Variants in SPOCK3 observed in about 807,000 individuals in gnomAD.
The protein encoded by SPOCK3 is SPARC (osteonectin), cwcv and kazal like domains proteoglycan 3, also known as testican-3.
In SPOCK3, 30 loss-of-function variants were observed where a neutral mutation model predicts 56.6. The ratio of observed to expected loss-of-function variants is 0.53; its 90% confidence interval spans 0.40 to 0.72. The LOEUF (loss-of-function observed/expected upper bound fraction) is 0.72, where lower values mean the gene tolerates loss of function less well. Among genes scored for constraint, SPOCK3 ranks in the 30% least tolerant of loss-of-function variants. SPOCK3 has a pLI of 0.00. For missense variants in SPOCK3, 527 were observed against 530.0 expected (o/e 0.99, Z 0.06); for synonymous variants, 196 against 183.3 (o/e 1.07, Z -0.56).
At chr4:167,121,305 T>C (rs1761846012) in intron 2 of SPOCK3, among the ~76,000 whole-genome samples, 1 of 151,958 alleles carries the variant, frequency 6.6e-6, no homozygotes, top group African/African-American at 2.4e-5. Flanking sequence ...GATCAGAGGA[T>C]GGATAACAAT....
At chr4:167,119,889 G>C in intron 2 of SPOCK3, 1 of 1,464,192 alleles carries the variant, frequency 6.8e-7, no homozygotes, top group South Asian at 1.4e-5. Flanking sequence ...TGCCCCAAAG[G>C]TTTCAACCAA....
chr4:166,927,466 CTG>C (rs1469567305), intron 4 of SPOCK3, among the ~76,000 whole-genome samples: 2 of 152,198 alleles, frequency 1.3e-5, no homozygotes, highest in Non-Finnish European at 2.9e-5. Flanking sequence ...CCACGTGGAA[CTG>C]TGAGTCCATT....
At chr4:166,949,529 C>A (rs1406596777) in intron 4 of SPOCK3, among the ~76,000 whole-genome samples, 2 of 152,120 alleles carry the variant, frequency 1.3e-5, no homozygotes, top group Non-Finnish European at 2.9e-5. Context: ...GTGTGGATGT[C>A]CTTTCTGTTC....
At chr4:167,116,445 TAC>T (rs1761337079) in intron 2 of SPOCK3, among the ~76,000 whole-genome samples, 1 of 144,856 alleles carries the variant, frequency 6.9e-6, no homozygotes, top group Non-Finnish European at 1.5e-5. Flanking sequence ...AATATATATA[TAC>T]ACAAAAGTAT....
intron 5 of SPOCK3, 39 bp downstream of exon 5, chr4:166,912,581 A>G: frequency 1.3e-6 from 2 of 1,583,080 alleles, no homozygotes. Context: ...ATAAGTATGC[A>G]TCCCTTATTT....
chr4:166,908,660 A>G (rs1202734089), intron 5 of SPOCK3, among the ~76,000 whole-genome samples: 1 of 152,048 alleles, frequency 6.6e-6, no homozygotes, highest in Non-Finnish European at 1.5e-5. Flanking sequence ...GTTTAAAATC[A>G]TCCACTGTTG....
chr4:167,168,353 T>C (rs903247142), intron 2 of SPOCK3, among the ~76,000 whole-genome samples: 1 of 152,112 alleles, frequency 6.6e-6, no homozygotes, highest in African/African-American at 2.4e-5. Flanking sequence ...TCCTAGAGAC[T>C]TGGAGGGCTC....
intron 2 of SPOCK3, among the ~76,000 whole-genome samples, chr4:167,199,225 TTG>T (rs58765976): frequency 0.038 from 5,386 of 141,716 alleles, 160 homozygotes; most frequent in African/African-American, 0.089. Flanking sequence ...AAATATTTGT[TTG>T]TGTGTGTGTG....
At chr4:167,091,774 C>T (rs971799221) in intron 2 of SPOCK3, among the ~76,000 whole-genome samples, 1 of 152,126 alleles carries the variant, frequency 6.6e-6, no homozygotes, top group Non-Finnish European at 1.5e-5. Flanking sequence ...AATCATTTCT[C>T]CCTCTACTCA....
intron 6 of SPOCK3, among the ~76,000 whole-genome samples, chr4:166,824,359 G>C (rs1363746415): frequency 5.9e-5 from 9 of 152,024 alleles, no homozygotes; most frequent in Non-Finnish European, 7.4e-5. Flanking sequence ...ATTGATTGCT[G>C]CCATCCCAAA....
chr4:166,928,266 G>T (rs1739342405), intron 4 of SPOCK3, among the ~76,000 whole-genome samples: 1 of 152,202 alleles, frequency 6.6e-6, no homozygotes, highest in South Asian at 2.1e-4. Context: ...CCACACAAAA[G>T]CTTGCAGACA....
At chr4:166,740,797 A>C (rs1404592173) in intron 9 of SPOCK3, among the ~76,000 whole-genome samples, 1 of 152,042 alleles carries the variant, frequency 6.6e-6, no homozygotes, top group African/African-American at 2.4e-5. Context: ...AAGTGTTGGG[A>C]TTACAGGCGT....
chr4:166,750,830 A>G (rs1016399979), intron 8 of SPOCK3, among the ~76,000 whole-genome samples: 2 of 152,202 alleles, frequency 1.3e-5, no homozygotes, highest in Non-Finnish European at 2.9e-5. Context: ...GAAAGAAGTC[A>G]TTTCTAAGAA....
intron 2 of SPOCK3, among the ~76,000 whole-genome samples, chr4:167,126,262 T>C (rs1762267862): frequency 6.6e-6 from 1 of 152,160 alleles, no homozygotes; most frequent in African/African-American, 2.4e-5. Context: ...ATAAGTTCAT[T>C]GTAGGCCGGG....
At chr4:167,136,273 TGTGA>T (rs1214405992) in intron 2 of SPOCK3, among the ~76,000 whole-genome samples, 1 of 152,098 alleles carries the variant, frequency 6.6e-6, no homozygotes, top group Non-Finnish European at 1.5e-5. Context: ...CTTAAGTGTG[TGTGA>T]GTGTGTGTGT....
At chr4:167,080,930 G>T (rs1029187707) in intron 2 of SPOCK3, among the ~76,000 whole-genome samples, 1 of 147,760 alleles carries the variant, frequency 6.8e-6, no homozygotes, top group African/African-American at 2.5e-5. Context: ...GCCCAGGCTG[G>T]AGTGCAATGG....
intron 5 of SPOCK3, among the ~76,000 whole-genome samples, chr4:166,908,031 A>G (rs1736815238): frequency 6.6e-6 from 1 of 151,990 alleles, no homozygotes; most frequent in Non-Finnish European, 1.5e-5. Flanking sequence ...ACTAAATACT[A>G]AAAAGTATAA....
Position 166,955,476 on chromosome 4 carries a change from T to A in SPOCK3, c.351-42733A>T, listed in dbSNP as rs954303964. ...ATTATAATATAAATATTATATTATA[T>A]TTAATTATATTATATTATTAAATTA... On this transcript the variant is annotated intron_variant, in intron 4 of 10. Coordinates refer to ENST00000357545, the MANE Select transcript of SPOCK3 (RefSeq NM_001040159.2). 1.0e-4 allele frequency among the ~76,000 whole-genome samples: 15 copies of A among 146,334 alleles called. No homozygotes were observed. The Admixed American group carries it at 1.0e-3, about 10-fold the overall frequency.
chr4:166,883,027 G>A (rs1733832152), intron 6 of SPOCK3: 1 of 152,072 alleles, frequency 6.6e-6, no homozygotes, highest in Non-Finnish European at 1.5e-5. Flanking sequence ...TGTTGCAAGA[G>A]TATATTAATA....
Sources: allele counts gnomAD v4.1 joint callset (sites outside exome capture counted in the v4.1 genomes callset), GRCh38; gene constraint gnomAD v4.1.1; transcripts MANE v1.5; gene names NCBI Gene and HGNC (gene_info 2026-07-23, HGNC 2026-07-21).